Variants in DOCK3 observed in about 807,000 individuals in gnomAD.
DOCK3 encodes the protein dedicator of cytokinesis 3.
Under a neutral mutation model 265.6 loss-of-function variants are expected in DOCK3, and 60 were observed. The observed-to-expected ratio is 0.23, with a 90% CI of 0.18 to 0.28. DOCK3 has a LOEUF of 0.28. DOCK3 is among the 10% of genes least tolerant of loss of function. The probability of loss-of-function intolerance (pLI) is 1.00; values close to 1 mark genes in which losing one functional copy is unlikely to be tolerated. For synonymous variants in DOCK3, 881 were observed against 938.0 expected, an observed-to-expected ratio of 0.94 and a Z score of 1.11; for missense variants, 1,981 against 2,594.3, an observed-to-expected ratio of 0.76 and a Z score of 5.14.
chr3:51,218,482 G>A (rs944465912), intron 14 of DOCK3, among the ~76,000 whole-genome samples: 3 of 152,090 alleles, frequency 2.0e-5, no homozygotes, highest in Non-Finnish European at 4.4e-5. Flanking sequence ...AGAAGGGACC[G>A]TACCCTTCTT....
chr3:51,013,858 C>T (rs529862358), intron 5 of DOCK3, among the ~76,000 whole-genome samples: 2 of 152,318 alleles, frequency 1.3e-5, no homozygotes, highest in South Asian at 4.1e-4. Flanking sequence ...ACTTTGTTTA[C>T]CTCCTAAGCC....
At chr3:50,899,815 C>T (rs967648705) in intron 4 of DOCK3, among the ~76,000 whole-genome samples, 5 of 152,182 alleles carry the variant, frequency 3.3e-5, no homozygotes, top group East Asian at 1.9e-4. Flanking sequence ...CTCTACCCCC[C>T]ACTTTCTTCT....
chr3:50,927,004 T>G (rs193155409), intron 4 of DOCK3, among the ~76,000 whole-genome samples: 114 of 152,334 alleles, frequency 7.5e-4, no homozygotes, highest in Non-Finnish European at 1.0e-4. Context: ...GAGCAAACAT[T>G]GAAGTTCTTA....
chr3:51,376,854 G>A (rs370902746), intron 51 of DOCK3, among the ~76,000 whole-genome samples: 23 of 152,222 alleles, frequency 1.5e-4, no homozygotes, highest in African/African-American at 5.5e-4. Flanking sequence ...GGGCACTGAA[G>A]CTGGGTGCCC....
intron 31 of DOCK3, among the ~76,000 whole-genome samples, 183 bp downstream of exon 31, chr3:51,313,085 G>T (rs540552890): frequency 6.6e-6 from 1 of 152,168 alleles, no homozygotes; most frequent in Non-Finnish European, 1.5e-5. Flanking sequence ...TTGGCAAGGA[G>T]AGTTTGTCTG....
intron 3 of DOCK3, among the ~76,000 whole-genome samples, chr3:50,859,846 C>T (rs2046818584): frequency 6.6e-6 from 1 of 152,150 alleles, no homozygotes; most frequent in South Asian, 2.1e-4. Flanking sequence ...CTCATAGTTG[C>T]AGCAATGTTC....
intron 9 of DOCK3, among the ~76,000 whole-genome samples, chr3:51,145,218 G>A (rs1309765001): frequency 6.6e-6 from 1 of 150,596 alleles, no homozygotes; most frequent in Admixed American, 6.8e-5. Context: ...TTTTCTGTCT[G>A]GATCTCTTTT....
intron 1 of DOCK3, among the ~76,000 whole-genome samples, chr3:50,770,710 A>G (rs1217839415): frequency 6.6e-6 from 1 of 152,250 alleles, no homozygotes; most frequent in Non-Finnish European, 1.5e-5. Context: ...ATAGACGCAT[A>G]GACCAATGGA....
chr3:51,360,159 T>C (rs2086626496), intron 46 of DOCK3, among the ~76,000 whole-genome samples: 1 of 152,234 alleles, frequency 6.6e-6, no homozygotes, highest in South Asian at 2.1e-4. Context: ...TAATAAGCTC[T>C]TCCTCTCCTT....
At chr3:51,142,211 G>A (rs925863254) in intron 9 of DOCK3, among the ~76,000 whole-genome samples, 3 of 151,840 alleles carry the variant, frequency 2.0e-5, no homozygotes, top group Non-Finnish European at 4.4e-5. Context: ...ATTTTCTTAG[G>A]TGTATCCCAT....
chr3:51,343,627 A>T (rs2085372356), intron 38 of DOCK3, among the ~76,000 whole-genome samples: 1 of 152,206 alleles, frequency 6.6e-6, no homozygotes, highest in Non-Finnish European at 1.5e-5. Context: ...AAAGGAAAAG[A>T]TGTAGATGGG....
chr3:51,187,936 A>G (rs1464778766), intron 12 of DOCK3, among the ~76,000 whole-genome samples: 1 of 152,108 alleles, frequency 6.6e-6, no homozygotes, highest in Non-Finnish European at 1.5e-5. Flanking sequence ...AGACTAATAC[A>G]GTGACTATGG....
At chr3:51,165,430 C>T (rs1257488695) in intron 12 of DOCK3, among the ~76,000 whole-genome samples, 2 of 152,202 alleles carry the variant, frequency 1.3e-5, no homozygotes, top group Admixed American at 6.5e-5. Flanking sequence ...CATCACTTGA[C>T]ATATTTACTT....
intron 14 of DOCK3, among the ~76,000 whole-genome samples, chr3:51,218,040 C>T (rs1450880647): frequency 6.6e-6 from 1 of 152,030 alleles, no homozygotes; most frequent in African/African-American, 2.4e-5. Flanking sequence ...ATCGCTTGAA[C>T]CTGGGAGGCG....
At chr3:51,313,042 A>T (rs1560415733) in intron 31 of DOCK3, 140 bp downstream of exon 31, 2 of 777,386 alleles carry the variant, frequency 2.6e-6, no homozygotes, top group Non-Finnish European at 4.2e-6. Context: ...ATAACACCTC[A>T]GATGGATGGT....
At chr3:51,183,110 G>A (rs1428391096) in intron 12 of DOCK3, among the ~76,000 whole-genome samples, 1 of 152,086 alleles carries the variant, frequency 6.6e-6, no homozygotes, top group African/African-American at 2.4e-5. Context: ...GTGGCCCTTT[G>A]TATACTTGAA....
chr3:51,308,262 G>A (rs146765625), intron 27 of DOCK3, among the ~76,000 whole-genome samples: 2,072 of 145,892 alleles, frequency 0.014, 56 homozygotes, highest in African/African-American at 0.048. Flanking sequence ...GGTGTTTCTC[G>A]CAGAGGGGGA....
chr3:51,203,861 C>T (rs1293733355), intron 12 of DOCK3, among the ~76,000 whole-genome samples: 1 of 152,122 alleles, frequency 6.6e-6, no homozygotes, highest in Non-Finnish European at 1.5e-5. Flanking sequence ...AATAACTCCG[C>T]GTATCTACAA....
At chr3:50,841,350 G>A (rs1417216257) in intron 2 of DOCK3, among the ~76,000 whole-genome samples, 4 of 152,172 alleles carry the variant, frequency 2.6e-5, no homozygotes, top group Admixed American at 6.5e-5. Flanking sequence ...TGAAAAAAGT[G>A]ATACAATTTT....
Sources: allele counts gnomAD v4.1 joint callset (sites outside exome capture counted in the v4.1 genomes callset), GRCh38; gene constraint gnomAD v4.1.1; transcripts MANE v1.5; gene names NCBI Gene and HGNC (gene_info 2026-07-23, HGNC 2026-07-21).